Variants in UTRN observed in about 807,000 individuals in gnomAD.
UTRN encodes the protein dystrophin-related protein 1.
UTRN carries 283 observed loss-of-function variants against 463.9 expected under a neutral mutation model. That is an observed-to-expected ratio of 0.61 (90% CI 0.55 to 0.67). UTRN has a LOEUF of 0.67. UTRN is among the 30% of genes least tolerant of loss of function. The pLI is 0.00. For missense variants in UTRN, 3,922 were observed against 4,084.3 expected (o/e 0.96, Z 1.08); for synonymous variants, 1,442 against 1,431.5 (o/e 1.01, Z -0.17).
chr6:144,543,935 C>T (rs1317557565), intron 46 of UTRN, among the ~76,000 whole-genome samples: 1 of 152,078 alleles, frequency 6.6e-6, no homozygotes, highest in Non-Finnish European at 1.5e-5. Context: ...GATTAATATT[C>T]AGAACACTTG....
At chr6:144,802,829 A>G (rs1003615226) in intron 64 of UTRN, among the ~76,000 whole-genome samples, 6 of 152,090 alleles carry the variant, frequency 3.9e-5, no homozygotes, top group Non-Finnish European at 8.8e-5. Context: ...ATCATTTTCC[A>G]TTCGTATTCA....
intron 50 of UTRN, among the ~76,000 whole-genome samples, chr6:144,569,635 G>C (rs563740340): frequency 1.3e-5 from 2 of 152,248 alleles, no homozygotes; most frequent in South Asian, 4.1e-4. Flanking sequence ...ACTGTATGTA[G>C]GTCCTGGTCC....
chr6:144,373,262 A>G (rs1780164645), intron 2 of UTRN, among the ~76,000 whole-genome samples: 1 of 152,222 alleles, frequency 6.6e-6, no homozygotes, highest in Admixed American at 6.5e-5. Context: ...AAGTGGAAAC[A>G]ACCAAAATGC....
intron 41 of UTRN, among the ~76,000 whole-genome samples, chr6:144,530,193 G>T (rs1464439502): frequency 6.6e-6 from 1 of 152,206 alleles, no homozygotes; most frequent in African/African-American, 2.4e-5. Context: ...AGTTCTGGAG[G>T]CTGGAAGTTC....
rs1163767444 is a variant in UTRN, at chr6:144,533,156, G to T, written c.6129G>T (p.Val2043=). The change falls in exon 43 of 75, where the codon GTG becomes GTT. Residue 2043 remains valine (V), a synonymous_variant. Coordinates refer to ENST00000367545, the MANE Select transcript of UTRN (RefSeq NM_007124.3). ...AALNRTGDGI[V]QKLSQADGSF... ...TAAACCGAACTGGGGATGGGATTGT[G>T]CAGAAACTCTCCCAGGCAGATGGAA... is the stretch of plus-strand genomic sequence containing the variant. 1.2e-6 allele frequency: 2 copies of T among 1,614,118 alleles called. No individual in the cohort carries two copies. The highest frequency in any genetic ancestry group is 3.3e-5 in the Admixed American group (2 of 60,016).
Position 144,479,919 on chromosome 6 carries a change from T to C in UTRN, c.3444T>C (p.Tyr1148=), listed in dbSNP as rs1486323906. 2.5e-6 allele frequency: 4 copies of C among 1,614,016 alleles called. No homozygotes were observed. Among genetic ancestry groups the C allele is most frequent in the Non-Finnish European group, 3.4e-6 (4 of 1,179,976 alleles). The change falls in exon 26 of 75, where the codon TAT becomes TAC. Residue 1148 remains tyrosine (Y), a synonymous_variant. Coordinates refer to ENST00000367545, the MANE Select transcript of UTRN (RefSeq NM_007124.3). ...GGATGACCCAGGCCGAGGAAGAATA[T>C]TTGGAGCGGGATTTTGAGTACAAGT... ...QEWMTQAEEE[Y]LERDFEYKSP... is the part of the protein sequence containing the mutation.
intron 51 of UTRN, among the ~76,000 whole-genome samples, chr6:144,646,204 T>C (rs1374717250): frequency 6.6e-6 from 1 of 152,238 alleles, no homozygotes; most frequent in Non-Finnish European, 1.5e-5. Context: ...TGAAAAGTTA[T>C]TGAGGCATGT....
intron 54 of UTRN, among the ~76,000 whole-genome samples, chr6:144,733,333 A>G (rs1788973902): frequency 1.3e-5 from 2 of 152,066 alleles, no homozygotes; most frequent in Admixed American, 1.3e-4. Context: ...CCTGGCTAAC[A>G]CGGTGAAACC....
chr6:144,463,214 A>G (rs1789593346), intron 23 of UTRN, among the ~76,000 whole-genome samples: 1 of 152,208 alleles, frequency 6.6e-6, no homozygotes. Context: ...GAAATAGCCC[A>G]GGTAGTAGTA....
intron 51 of UTRN, among the ~76,000 whole-genome samples, chr6:144,620,416 C>G (rs1376435385): frequency 6.6e-6 from 1 of 151,248 alleles, no homozygotes; most frequent in Non-Finnish European, 1.5e-5. Flanking sequence ...GACTTACAGG[C>G]CTTTCTTATT....
At chr6:144,438,086 C>T (rs551896140) in intron 11 of UTRN, among the ~76,000 whole-genome samples, 1 of 152,132 alleles carries the variant, frequency 6.6e-6, no homozygotes, top group Admixed American at 6.5e-5. Flanking sequence ...GGCGACATGG[C>T]GAAACTCCGT....
chr6:144,651,994 T>C (rs1480918889), intron 51 of UTRN, among the ~76,000 whole-genome samples: 1 of 152,176 alleles, frequency 6.6e-6, no homozygotes, highest in Non-Finnish European at 1.5e-5. Flanking sequence ...GAGTCCCCAT[T>C]GTGTTGTACT....
intron 36 of UTRN, 63 bp downstream of exon 36, chr6:144,514,100 T>C (rs1420237587): frequency 6.3e-7 from 1 of 1,599,630 alleles, no homozygotes. Flanking sequence ...ATGTTTTCTC[T>C]TCTGGAATGC....
intron 54 of UTRN, among the ~76,000 whole-genome samples, chr6:144,742,358 T>A (rs1790194845): frequency 6.6e-6 from 1 of 152,196 alleles, no homozygotes; most frequent in African/African-American, 2.4e-5. Context: ...GTCAGGGCCC[T>A]CTCAAACACT....
At chr6:144,647,800 C>T (rs1053811762) in intron 51 of UTRN, among the ~76,000 whole-genome samples, 1 of 152,226 alleles carries the variant, frequency 6.6e-6, no homozygotes, top group Non-Finnish European at 1.5e-5. Flanking sequence ...AACTTTCACA[C>T]ATGGATAGTT....
intron 49 of UTRN, among the ~76,000 whole-genome samples, chr6:144,556,769 T>C (rs1799423085): frequency 6.6e-6 from 1 of 152,218 alleles, no homozygotes; most frequent in African/African-American, 2.4e-5. Context: ...ATGTTGTTGA[T>C]TCTTCACGTT....
At chr6:144,547,239 G>T (rs1199411847) in intron 46 of UTRN, among the ~76,000 whole-genome samples, 1 of 152,038 alleles carries the variant, frequency 6.6e-6, no homozygotes, top group Non-Finnish European at 1.5e-5. Context: ...GTCTTTAGAT[G>T]ATTTTTTAAG....
At chr6:144,778,648 A>G (rs1158848702) in intron 60 of UTRN, among the ~76,000 whole-genome samples, 1 of 151,896 alleles carries the variant, frequency 6.6e-6, no homozygotes, top group Non-Finnish European at 1.5e-5. Context: ...AAAAATAAAG[A>G]ATGGCCACAT....
intron 50 of UTRN, among the ~76,000 whole-genome samples, chr6:144,558,915 A>G (rs1799619777): frequency 6.6e-6 from 1 of 152,196 alleles, no homozygotes; most frequent in South Asian, 2.1e-4. Flanking sequence ...AGTAAGTACG[A>G]TGAATAAAAA....
Sources: allele counts gnomAD v4.1 joint callset (sites outside exome capture counted in the v4.1 genomes callset), GRCh38; gene constraint gnomAD v4.1.1; transcripts MANE v1.5; gene names NCBI Gene and HGNC (gene_info 2026-07-23, HGNC 2026-07-21).